Variants in SALL2 observed in about 807,000 individuals in gnomAD.
SALL2 encodes spalt like transcription factor 2, also known as sal-like protein 2.
Under a neutral mutation model 58.5 loss-of-function variants are expected in SALL2, and 32 were observed. That is an observed-to-expected ratio of 0.55 (90% CI 0.41 to 0.74). SALL2 has a LOEUF of 0.74. Ranked by LOEUF, SALL2 falls within the 30% of genes least tolerant of loss-of-function variation. The pLI, the probability that SALL2 is intolerant of heterozygous loss-of-function variation, is 0.00. For synonymous variants in SALL2, 516 were observed against 513.6 expected (o/e 1.00, Z -0.06); for missense variants, 1,201 against 1,268.9 (o/e 0.95, Z 0.81).
In SALL2 at chr14:21,524,195, A is replaced by C. The variant is rs145180739; in HGVS notation, c.1527T>G (p.Phe509Leu). 3.1e-6 allele frequency: 5 copies of C among 1,612,138 alleles called. No homozygotes were observed. In the African/African-American group the frequency reaches 6.7e-5, roughly 22 times the overall value. ...TAPGLPAFNK[F>L]VLMKAVEPKN... Reference sequence around the variant, plus strand: ...TGGGTTCCACTGCTTTCATGAGCACAAACTTATTGAAAGCAGGGAGTCCTG... The same window carrying C: ...TGGGTTCCACTGCTTTCATGAGCACCAACTTATTGAAAGCAGGGAGTCCTG... The change falls in exon 2 of 2, where the codon TTT (phenylalanine) becomes TTG (leucine). Residue 509 changes from phenylalanine to leucine, a missense_variant. This residue lies in a region of SALL2 where 675 missense variants were observed against 683.8 expected (regional missense o/e 0.99). Coordinates refer to ENST00000537235, the MANE Select transcript of SALL2 (RefSeq NM_001364564.1).
rs150141177 is a variant in SALL2, at chr14:21,523,077, T to C, written c.2645A>G (p.Glu882Gly). Residue 882 changes from glutamate (E) to glycine (G), a missense_variant, in exon 2 of 2, where the codon GAA (glutamate) becomes GGA (glycine). Around this residue, in one of 3 missense-constraint regions of SALL2, gnomAD observed 675 missense variants for 683.8 expected, o/e 0.99. Coordinates refer to ENST00000537235, the MANE Select transcript of SALL2 (RefSeq NM_001364564.1). This position sits in a 1 kb window ranked among gnomAD's most constrained non-coding sequence, Gnocchi z 4.4. The part of the protein sequence containing the change: ...SPASALTPEG[E>G]ATSVTLVEEL... Reference sequence around the variant, plus strand: ...CTCTACCAAGGTCACGCTGGTGGCTTCCCCTTCTGGGGTGAGTGCTGATGC... The same window carrying C: ...CTCTACCAAGGTCACGCTGGTGGCTCCCCCTTCTGGGGTGAGTGCTGATGC... 3 of 1,614,036 alleles carry C rather than the reference T, an allele frequency of 1.9e-6. No individual in the cohort carries two copies. The highest frequency in any genetic ancestry group is 1.3e-5 in the African/African-American group (1 of 74,924).
rs753720485 is a variant in SALL2, at chr14:21,522,211, G to A, written c.*493C>T. 1 of 1,596,858 alleles carries A rather than the reference G, an allele frequency of 6.3e-7. No homozygotes were observed. The highest frequency in any genetic ancestry group is 8.5e-7 in the Non-Finnish European group (1 of 1,179,246). ...GAGCTGGAATTCCAGGGCTTCATGGGCAGGCCATTTGACAGGAATGCCACA... is the reference window on the plus strand; with the variant it reads ...GAGCTGGAATTCCAGGGCTTCATGGACAGGCCATTTGACAGGAATGCCACA... On this transcript the variant is annotated 3_prime_UTR_variant, in exon 2 of 2. Coordinates refer to ENST00000537235, the MANE Select transcript of SALL2 (RefSeq NM_001364564.1).
In SALL2 at chr14:21,536,775, G is replaced by C; in HGVS notation, c.-114+187C>G. The C allele has an allele frequency of 2.4e-6, 3 of 1,258,688 alleles. No individual in the cohort carries two copies. In the South Asian group the frequency reaches 3.7e-5, roughly 16 times the overall value. The allele number at this position is 1,258,688 out of a possible 1,614,324, so 78.0% of individuals were successfully genotyped here. On this transcript the variant is annotated intron_variant, in intron 1 of 1. Transcript: ENST00000541965. ...CCGCCTGGTTTCGCCCATGGCCCGA[G>C]TGCCCTCCCCTTGCCCTGGCCTGAC... is the stretch of plus-strand genomic sequence containing the variant.
chr14:21,526,340 G>A lies in SALL2; in HGVS notation c.-213C>T, dbSNP rs1892311834. The A allele has an allele frequency of 7.0e-7, 1 of 1,418,510 alleles. No homozygotes were observed. Among genetic ancestry groups the A allele is most frequent in the Non-Finnish European group, 9.2e-7 (1 of 1,089,656 alleles). 87.9% of individuals were successfully genotyped at this position (1,418,510 alleles called of 1,614,324 possible). A position where few individuals can be genotyped will look rare whatever the true frequency, so the allele number is the denominator to read the frequency against. On this transcript the variant is annotated 5_prime_UTR_variant, in exon 1 of 2. Transcript: ENST00000537235. The stretch of plus-strand genomic sequence containing the variant: ...CTGGAGTGAGAAAGCGGGGAGAGGG[G>A]AGATCTGGGAGGAGCTGATGAGGAG...
rs1892092005 is a variant in SALL2 at position 21,522,813 on chromosome 14, T to C, written c.2909A>G (p.His970Arg). 3.1e-6 allele frequency: 5 copies of C among 1,607,844 alleles called. No individual in the cohort carries two copies. The highest frequency in any genetic ancestry group is 4.2e-6 in the Non-Finnish European group (5 of 1,177,424). Residue 970 changes from histidine (H) to arginine (R), a missense_variant, in exon 2 of 2, where the codon CAT (histidine) becomes CGT (arginine). This residue lies in a region of SALL2 where 675 missense variants were observed against 683.8 expected (regional missense o/e 0.99). Coordinates refer to ENST00000537235, the MANE Select transcript of SALL2 (RefSeq NM_001364564.1). ...AAGAGCAGCAATATTCTGAGGGCCA[T>C]GGGGGGCAAAGGGCTGTACCTGGTG... is the stretch of plus-strand genomic sequence containing the variant. ...AHHQVQPFAP[H>R]GPQNIAALSL...
upstream of SALL2, chr14:21,526,407 CTAGAGGAGGCGGGAGA>C (rs1212202173): frequency 7.4e-7 from 1 of 1,344,578 alleles, no homozygotes; most frequent in Non-Finnish European, 9.5e-7. Flanking sequence ...GAGGCGGGAG[CTAGAGGAGGCGGGAGA>C]AGGGAGCGCT....
Position 21,523,894 on chromosome 14 carries a change from A to T in SALL2, c.1828T>A (p.Ser610Thr). The change falls in exon 2 of 2, where the codon TCA (serine) becomes ACA (threonine). Residue 610 changes from serine to threonine, a missense_variant. By Grantham distance (58) the Ser-to-Thr change is moderately conservative. Coordinates refer to ENST00000537235, the MANE Select transcript of SALL2 (RefSeq NM_001364564.1). The surrounding 1 kb of genome is among the most constrained non-coding windows in gnomAD (Gnocchi z 4.4). ...QGAVAVTSAA[S>T]GAPTTSAPAP... The stretch of plus-strand genomic sequence containing the variant: ...GGGGCAGAGGTGGTGGGGGCTCCTG[A>T]GGCAGCTGAGGTCACCGCCACAGCT... 1 of 1,614,156 alleles carries T rather than the reference A, an allele frequency of 6.2e-7. No homozygotes were observed. Among genetic ancestry groups the T allele is most frequent in the Non-Finnish European group, 8.5e-7 (1 of 1,180,024 alleles).
chr14:21,524,816 TGGGGAAGGGGCA>T lies in SALL2; in HGVS notation c.894_905del (p.Pro300_Ala303del). ...GCTGATCTGTGCTGCCTGGCAAGGC[TGGGGAAGGGGCA>T]GGGGTGGGTTTGTGGCTTCGCCCAA... On this transcript the variant is annotated inframe_deletion, in exon 2 of 2. Coordinates refer to ENST00000537235, the MANE Select transcript of SALL2 (RefSeq NM_001364564.1). The T allele has an allele frequency of 6.2e-7, 1 of 1,610,744 alleles. No individual in the cohort carries two copies. The highest frequency in any genetic ancestry group is 8.5e-7 in the Non-Finnish European group (1 of 1,178,356).
intron 1 of SALL2, among the ~76,000 whole-genome samples, chr14:21,531,688 T>C (rs375496972): frequency 5.8e-4 from 86 of 149,392 alleles, no homozygotes; most frequent in African/African-American, 2.0e-3. Flanking sequence ...ATTACAGGCA[T>C]GAGCCACCGC....
At chr14:21,527,682 A>G (rs1047055237), upstream of SALL2, among the ~76,000 whole-genome samples, 1 of 152,132 alleles carries the variant, frequency 6.6e-6, no homozygotes, top group African/African-American at 2.4e-5. Flanking sequence ...AAATTGGACA[A>G]TATTAATGTG....
upstream of SALL2, among the ~76,000 whole-genome samples, chr14:21,530,530 T>C (rs28723481): frequency 0.034 from 5,155 of 152,220 alleles, 306 homozygotes; most frequent in African/African-American, 0.12. Flanking sequence ...TCAGGTGATC[T>C]GCCAACCTCG....
In SALL2 at chr14:21,522,702, G is replaced by C; in HGVS notation, c.*2C>G. 6.6e-7 allele frequency: 1 copy of C among 1,517,560 alleles called. No individual in the cohort carries two copies. Among genetic ancestry groups the C allele is most frequent in the Non-Finnish European group, 8.8e-7 (1 of 1,133,980 alleles). The allele number at this position is 1,517,560 out of a possible 1,614,324, so 94.0% of individuals were successfully genotyped here. A position where few individuals can be genotyped will look rare whatever the true frequency, so the allele number is the denominator to read the frequency against. ...AAGAGCAGCAGGTACAGAAAAACAGGCTCATGGGATCGTGGGGTCATCTTT... is the reference window on the plus strand; with the variant it reads ...AAGAGCAGCAGGTACAGAAAAACAGCCTCATGGGATCGTGGGGTCATCTTT... On this transcript the variant is annotated 3_prime_UTR_variant, in exon 2 of 2. Transcript: ENST00000537235.
intron 1 of SALL2, among the ~76,000 whole-genome samples, chr14:21,532,165 T>C (rs968670257): frequency 6.6e-6 from 1 of 152,160 alleles, no homozygotes; most frequent in African/African-American, 2.4e-5. Context: ...AGAGAAAACA[T>C]ACTAAGTGCA....
chr14:21,535,268 C>A (rs1163395958), intron 1 of SALL2, among the ~76,000 whole-genome samples: 1 of 150,688 alleles, frequency 6.6e-6, no homozygotes, highest in Non-Finnish European at 1.5e-5. Flanking sequence ...TGGCGTGAAC[C>A]TGGGAGGTGG....
At chr14:21,526,699 G>A (rs1311465712), upstream of SALL2, among the ~76,000 whole-genome samples, 1 of 152,070 alleles carries the variant, frequency 6.6e-6, no homozygotes, top group Non-Finnish European at 1.5e-5. Context: ...GCTGAGCTTG[G>A]AAAAAGTGGA....
chr14:21,522,351 C>G lies in SALL2; in HGVS notation c.*353G>C, dbSNP rs1892071272. On this transcript the variant is annotated 3_prime_UTR_variant, in exon 2 of 2. Coordinates refer to ENST00000537235, the MANE Select transcript of SALL2 (RefSeq NM_001364564.1). ...CTGCCAGCCCTTTTTGGCTAGGCTG[C>G]AATGCCAAATGTAGGTGCTCAGGTG... 5 of 1,450,246 alleles carry G rather than the reference C, an allele frequency of 3.4e-6. No homozygotes were observed. Among genetic ancestry groups the G allele is most frequent in the African/African-American group, 2.8e-5 (2 of 70,640 alleles). The allele number at this position is 1,450,246 out of a possible 1,614,324, so 89.8% of individuals were successfully genotyped here.
At position 21,525,035 on chromosome 14, in the gene SALL2, A is replaced by C; in HGVS notation, c.687T>G (p.Thr229=). 6.2e-7 allele frequency: 1 copy of C among 1,613,966 alleles called. No individual in the cohort carries two copies. The highest frequency in any genetic ancestry group is 1.7e-5 in the Admixed American group (1 of 60,006). ...ASPSELPGTG[T]ASSTKPLLPL... ...GTAGTAGGGGCTTGGTGGAAGAGGC[A>C]GTCCCTGTCCCAGGTAGCTCTGAGG... The change falls in exon 2 of 2, where the codon ACT becomes ACG. Residue 229 remains threonine, a synonymous_variant. Coordinates refer to ENST00000537235, the MANE Select transcript of SALL2 (RefSeq NM_001364564.1). The surrounding 1 kb of genome is among the most constrained non-coding windows in gnomAD (Gnocchi z 4.4).
intron 1 of SALL2, among the ~76,000 whole-genome samples, chr14:21,531,406 G>A (rs1892455766): frequency 6.6e-6 from 1 of 152,038 alleles, no homozygotes; most frequent in Non-Finnish European, 1.5e-5. Flanking sequence ...CCCAGAGTTT[G>A]TTTTCTTATT....
At chr14:21,526,698 G>A (rs2139676174), upstream of SALL2, among the ~76,000 whole-genome samples, 1 of 152,090 alleles carries the variant, frequency 6.6e-6, no homozygotes, top group Non-Finnish European at 1.5e-5. Flanking sequence ...CGCTGAGCTT[G>A]GAAAAAGTGG....
Sources: allele counts gnomAD v4.1 joint callset (sites outside exome capture counted in the v4.1 genomes callset), GRCh38; gene constraint gnomAD v4.1.1; regional missense constraint gnomAD v4.1.1; non-coding constraint Gnocchi (gnomAD v3.1); transcripts MANE v1.5; gene names NCBI Gene and HGNC (gene_info 2026-07-23, HGNC 2026-07-21).